The following RNPS1 variants were observed in gnomAD, a reference collection of about 807,000 sequenced individuals.
RNPS1 encodes RNA binding protein with serine rich domain 1, also known as RNA-binding protein with serine-rich domain 1.
For missense variants in RNPS1, 300 were observed against 427.6 expected, an observed-to-expected ratio of 0.70 and a Z score of 2.63; for synonymous variants, 147 against 150.0, an observed-to-expected ratio of 0.98 and a Z score of 0.15.
rs780119443 is a variant in RNPS1 at position 2,264,553 on chromosome 16, A to C, written c.71+20T>G. The C allele has an allele frequency of 6.2e-7, 1 of 1,612,244 alleles. No individual in the cohort carries two copies. Among genetic ancestry groups the C allele is most frequent in the Admixed American group, 1.7e-5 (1 of 59,956 alleles). ...TAAGCACCCCCAAGTAGCACTAGAA[A>C]AATCTTACAGAAGGATTACCTAGTG... On this transcript the variant is annotated intron_variant, in intron 2 of 7. Transcript: ENST00000320225.
Position 2,262,416 on chromosome 16 carries a change from T to A in RNPS1, c.538A>T (p.Ile180Leu). The change falls in exon 6 of 8, where the codon ATA (isoleucine) becomes TTA (leucine). Residue 180 changes from isoleucine (I) to leucine (L), a missense_variant. By Grantham distance (5) the Ile-to-Leu change is conservative (BLOSUM62 2). Coordinates refer to ENST00000320225, the MANE Select transcript of RNPS1 (RefSeq NM_080594.4). ...RNVTKDHIMEIFSTYGKIKMI... is the reference protein window; with the variant it reads ...RNVTKDHIMELFSTYGKIKMI... The stretch of plus-strand genomic sequence containing the variant: ...TTAATTTTCCCATAGGTGGAAAATA[T>A]CTCCATGATGTGATCCTAGAGGGAA... 6.2e-7 allele frequency: 1 copy of A among 1,614,052 alleles called. No homozygotes were observed. The highest frequency in any genetic ancestry group is 8.5e-7 in the Non-Finnish European group (1 of 1,179,984).
chr16:2,260,762 T>C (rs553625559), intron 6 of RNPS1, among the ~76,000 whole-genome samples: 8 of 152,212 alleles, frequency 5.3e-5, no homozygotes, highest in Non-Finnish European at 8.8e-5. Context: ...AAGCCAAATA[T>C]AATAAAGCAA....
At position 2,267,269 on chromosome 16, in the gene RNPS1, T is replaced by C. The variant is rs545566783; in HGVS notation, c.-118+786A>G. 165 of 985,196 alleles carry C rather than the reference T, an allele frequency of 1.7e-4. 1 individual carries two copies. The South Asian group carries it at 7.2e-3, about 43-fold the overall frequency. 61.0% of individuals were successfully genotyped at this position (985,196 alleles called of 1,614,324 possible). On this transcript the variant is annotated intron_variant, in intron 1 of 7. Transcript: ENST00000320225. The stretch of plus-strand genomic sequence containing the variant: ...CCAGAGAGAGGAGAGAACAATTAGT[T>C]AAATCTCGAGGAGAGGGCGTTTCGG...
At chr16:2,263,371 C>T (rs186658563) in intron 3 of RNPS1, 84 bp from the exon 4 acceptor site, 2 of 1,378,290 alleles carry the variant, frequency 1.5e-6, no homozygotes, top group Admixed American at 1.9e-5. Context: ...GTGCTCCCCC[C>T]AGGAGAAACC....
intron 6 of RNPS1, chr16:2,256,971 G>A (rs1319359762): frequency 2.6e-5 from 4 of 152,244 alleles, no homozygotes; most frequent in Admixed American, 6.6e-5. Flanking sequence ...TTCCACTGAC[G>A]GAGAGGTGGG....
chr16:2,263,036 C>CAACCTT (rs1403114160), intron 4 of RNPS1, 60 bp downstream of exon 4: 2 of 1,561,844 alleles, frequency 1.3e-6, no homozygotes, highest in Admixed American at 3.6e-5. Context: ...TTTATAACCT[C>CAACCTT]GATGGTAAAT....
chr16:2,266,810 C>A, intron 1 of RNPS1: 1 of 606,942 alleles, frequency 1.6e-6, no homozygotes, highest in Non-Finnish European at 2.1e-6. Context: ...TTTGACACAT[C>A]CAAAATATTA....
chr16:2,263,393 T>A, intron 3 of RNPS1, 106 bp from the exon 4 acceptor site: 3 of 1,144,960 alleles, frequency 2.6e-6, no homozygotes, highest in South Asian at 2.8e-5. Flanking sequence ...GCTGTTCGGG[T>A]GCCTCCAGGC....
At chr16:2,266,556 A>G in intron 1 of RNPS1, 2 of 982,296 alleles carry the variant, frequency 2.0e-6, no homozygotes, top group Non-Finnish European at 2.4e-6. Flanking sequence ...CAGGGCATTA[A>G]TTAAAGACTC....
chr16:2,262,898 A>AG lies in RNPS1; in HGVS notation c.420-57_420-56insC, dbSNP rs1434774179. On this transcript the variant is annotated intron_variant, in intron 4 of 7. Transcript: ENST00000320225. ...TTTCTGTCAAGTCAAAATGTACTAG[A>AG]CGCCTTTCGAGTAAGCTCTTATCTG... is the stretch of plus-strand genomic sequence containing the variant. 35 of 1,498,422 alleles carry AG rather than the reference A, an allele frequency of 2.3e-5. No homozygotes were observed. The African/African-American group carries it at 4.4e-4, about 19-fold the overall frequency. The allele number at this position is 1,498,422 out of a possible 1,614,324, so 92.8% of individuals were successfully genotyped here.
intron 5 of RNPS1, 79 bp from the exon 6 acceptor site, chr16:2,262,510 C>T (rs1387081426): frequency 6.7e-7 from 1 of 1,497,310 alleles, no homozygotes; most frequent in Non-Finnish European, 9.2e-7. Context: ...CACATCATGA[C>T]TAAAACCTCG....
intron 6 of RNPS1, chr16:2,256,741 AGTATCCG>A (rs1309090601): frequency 6.6e-6 from 1 of 152,328 alleles, no homozygotes; most frequent in Non-Finnish European, 1.5e-5. Flanking sequence ...CCATGCAGGC[AGTATCCG>A]CGTTTGCGCT....
chr16:2,261,925 C>G (rs2093604678), intron 6 of RNPS1, among the ~76,000 whole-genome samples: 1 of 152,164 alleles, frequency 6.6e-6, no homozygotes, highest in Non-Finnish European at 1.5e-5. Context: ...TAACTTATGT[C>G]TTTACATAAA....
intron 3 of RNPS1, among the ~76,000 whole-genome samples, 188 bp from the exon 4 acceptor site, chr16:2,263,475 TTG>T (rs2093611832): frequency 6.6e-6 from 1 of 152,120 alleles, no homozygotes; most frequent in Admixed American, 6.6e-5. Context: ...AGGTGTCACA[TTG>T]TGTGTGGGAC....
At chr16:2,267,465 T>A in intron 1 of RNPS1, 1 of 971,848 alleles carries the variant, frequency 1.0e-6, no homozygotes, top group Non-Finnish European at 1.2e-6. Context: ...GCTCGGTCCA[T>A]AGTGGGCCGT....
At chr16:2,262,226 C>T (rs369088991) in intron 6 of RNPS1, 52 bp downstream of exon 6, 2 of 1,569,790 alleles carry the variant, frequency 1.3e-6, no homozygotes, top group African/African-American at 2.7e-5. Context: ...TTGAAAGCCC[C>T]TCGCGGCGGC....
At position 2,254,018 on chromosome 16, in the gene RNPS1, C is replaced by CT. The variant is rs1348691568; in HGVS notation, c.863_864insA (p.Ser289ValfsTer28). ...TCCTGTGGCGGCGGCGGCCCGGGGACCGTGATCTCCGGCGCACGGGGGACC... is the reference window on the plus strand; with the variant it reads ...TCCTGTGGCGGCGGCGGCCCGGGGACTCGTGATCTCCGGCGCACGGGGGACC... On this transcript the variant is annotated frameshift_variant, in exon 8 of 8. Coordinates refer to ENST00000320225, the MANE Select transcript of RNPS1 (RefSeq NM_080594.4). LOFTEE classifies it high-confidence loss of function. 1 of 1,522,870 alleles carries CT rather than the reference C, an allele frequency of 6.6e-7. No individual in the cohort carries two copies. Among genetic ancestry groups the CT allele is most frequent in the Non-Finnish European group, 8.8e-7 (1 of 1,132,578 alleles). 94.3% of individuals were successfully genotyped at this position (1,522,870 alleles called of 1,614,324 possible).
At chr16:2,263,912 T>TTTA in intron 3 of RNPS1, 1 of 359,716 alleles carries the variant, frequency 2.8e-6, no homozygotes, top group Non-Finnish European at 5.0e-6. Context: ...TTTTTTTTTG[T>TTTA]AGAGACGAGC....
rs776703032 is a variant in RNPS1 at position 2,260,147 on chromosome 16, C to CTTTT, written c.676+2127_676+2130dup. On this transcript the variant is annotated intron_variant, in intron 6 of 7. Coordinates refer to ENST00000320225, the MANE Select transcript of RNPS1 (RefSeq NM_080594.4). The stretch of plus-strand genomic sequence containing the variant: ...AACTATTTGTGTGTGTGTGTGTATT[C>CTTTT]TTTTTTTTTTTTTTTTTTTTTTTTT... Among the ~76,000 whole-genome samples the CTTTT allele has an allele frequency of 1.9e-4, 14 of 72,432 alleles. 1 individual carries two copies. The highest frequency in any genetic ancestry group is 7.3e-4 in the East Asian group (2 of 2,756). 47.5% of individuals were successfully genotyped at this position (72,432 alleles called of 152,430 possible). A position where few individuals can be genotyped will look rare whatever the true frequency, so the allele number is the denominator to read the frequency against.
Sources: gnomAD v4.1 joint callset for allele counts (sites outside exome capture counted in the v4.1 genomes callset) on GRCh38, gnomAD v4.1.1 for gene constraint, MANE v1.5 for transcripts, NCBI Gene and HGNC (gene_info 2026-07-23, HGNC 2026-07-21) for gene names.